Variants in BAIAP2L1 observed in about 807,000 individuals in gnomAD.
BAIAP2L1 encodes the protein BAR/IMD domain containing adaptor protein 2 like 1.
In BAIAP2L1, 35 loss-of-function variants were observed where a neutral mutation model predicts 66.3. The ratio of observed to expected loss-of-function variants is 0.53; its 90% confidence interval spans 0.40 to 0.70. BAIAP2L1 has a LOEUF of 0.70. Among genes scored for constraint, BAIAP2L1 ranks in the 30% least tolerant of loss-of-function variants. The pLI is 0.00. For missense variants in BAIAP2L1, 622 were observed against 656.9 expected, an observed-to-expected ratio of 0.95 and a Z score of 0.58; for synonymous variants, 269 against 248.7, an observed-to-expected ratio of 1.08 and a Z score of -0.77.
intron 1 of BAIAP2L1, among the ~76,000 whole-genome samples, chr7:98,370,832 T>C (rs1802496566): frequency 1.3e-5 from 2 of 152,118 alleles, no homozygotes; most frequent in African/African-American, 4.8e-5. Flanking sequence ...GGAAAATCCA[T>C]TCCTATATTG....
intron 1 of BAIAP2L1, among the ~76,000 whole-genome samples, chr7:98,373,553 C>T (rs1254035073): frequency 6.6e-6 from 1 of 152,138 alleles, no homozygotes; most frequent in African/African-American, 2.4e-5. Context: ...ACATCACCAC[C>T]TCTGTGAGCC....
intron 7 of BAIAP2L1, among the ~76,000 whole-genome samples, chr7:98,315,250 T>C (rs1482840816): frequency 1.3e-5 from 2 of 151,844 alleles, no homozygotes; most frequent in Admixed American, 1.3e-4. Context: ...GCCTCCTGAG[T>C]AGCTGGGACT....
intron 1 of BAIAP2L1, among the ~76,000 whole-genome samples, chr7:98,372,696 A>C (rs1218371285): frequency 6.6e-6 from 1 of 150,748 alleles, no homozygotes; most frequent in African/African-American, 2.4e-5. Context: ...AATAGCTGTA[A>C]TGAGGGTTAA....
Position 98,364,986 on chromosome 7 carries a change from CAAAAAAAAAAAAAA to C in BAIAP2L1, c.52-2568_52-2555del, listed in dbSNP as rs531177927. Among the ~76,000 whole-genome samples the C allele has an allele frequency of 5.5e-4, 17 of 30,800 alleles. 2 individuals are homozygous for C. Among genetic ancestry groups the C allele is most frequent in the East Asian group, 2.5e-3 (2 of 788 alleles). The allele number at this position is 30,800 out of a possible 152,430, so 20.2% of individuals were successfully genotyped here. On this transcript the variant is annotated intron_variant, in intron 1 of 13. Coordinates refer to ENST00000005260, the MANE Select transcript of BAIAP2L1 (RefSeq NM_018842.5). ...TGGGTGACAGAGTGAGGATATGTCT[CAAAAAAAAAAAAAA>C]AAAAAAAAAAAAAAAAAAAGAGCTA...
chr7:98,376,657 CAAA>C (rs71112147), intron 1 of BAIAP2L1, among the ~76,000 whole-genome samples: 7 of 92,932 alleles, frequency 7.5e-5, no homozygotes, highest in African/African-American at 2.6e-4. Context: ...CCCATCTTTA[CAAA>C]AAAAAAAAAA....
intron 3 of BAIAP2L1, among the ~76,000 whole-genome samples, chr7:98,343,646 G>C (rs189967475): frequency 3.9e-5 from 6 of 152,252 alleles, no homozygotes; most frequent in Non-Finnish European, 8.8e-5. Flanking sequence ...CAGACACTTA[G>C]CTAGCTGGTA....
intron 2 of BAIAP2L1, among the ~76,000 whole-genome samples, chr7:98,359,116 G>C (rs3801258): frequency 6.6e-6 from 1 of 152,020 alleles, no homozygotes; most frequent in Non-Finnish European, 1.5e-5. Context: ...GCAGGTGCAG[G>C]AGTGAGCCCG....
chr7:98,317,198 A>C (rs1342299921), intron 6 of BAIAP2L1, 21 bp downstream of exon 6: 3 of 1,614,058 alleles, frequency 1.9e-6, no homozygotes, highest in Non-Finnish European at 2.5e-6. Flanking sequence ...AAAGAAAACA[A>C]GATATTGTTG....
Position 98,400,843 on chromosome 7 carries a change from C to T in BAIAP2L1, c.10G>A (p.Gly4Arg). ...GTGAGCCGGTTCACCTCCTCGGGCC[C>T]CCGGGACATGGCTGCGGCCGCCGGG... MSR[G>R]PEEVNRLTES... Residue 4 changes from glycine (G) to arginine (R), a missense_variant, in exon 1 of 14, where the codon GGG (glycine) becomes AGG (arginine). Transcript: ENST00000005260. 1 of 1,544,898 alleles carries T rather than the reference C, an allele frequency of 6.5e-7. No homozygotes were observed. The highest frequency in any genetic ancestry group is 2.0e-5 in the Admixed American group (1 of 50,846).
At chr7:98,393,337 C>A (rs1159210025) in intron 1 of BAIAP2L1, among the ~76,000 whole-genome samples, 1 of 150,762 alleles carries the variant, frequency 6.6e-6, no homozygotes, top group Non-Finnish European at 1.5e-5. Context: ...CCACTGCACC[C>A]GGCCATGAAA....
In BAIAP2L1 at chr7:98,292,735, G is replaced by A; in HGVS notation, c.*786C>T. 1 of 1,551,494 alleles carries A rather than the reference G, an allele frequency of 6.4e-7. No individual in the cohort carries two copies. The highest frequency in any genetic ancestry group is 8.7e-7 in the Non-Finnish European group (1 of 1,146,872). ...GGACCCCGAGCAGTTTGAGTGTACT[G>A]GTAATGGATGCAGCTTTGGCCAACT... On this transcript the variant is annotated 3_prime_UTR_variant, in exon 14 of 14. Transcript: ENST00000005260.
intron 2 of BAIAP2L1, among the ~76,000 whole-genome samples, chr7:98,357,753 T>G (rs539965186): frequency 6.6e-6 from 1 of 152,128 alleles, no homozygotes; most frequent in East Asian, 1.9e-4. Flanking sequence ...ACTTAGTTAA[T>G]CTATCCAATT....
At chr7:98,319,706 T>C (rs1282308959) in intron 5 of BAIAP2L1, among the ~76,000 whole-genome samples, 1 of 151,942 alleles carries the variant, frequency 6.6e-6, no homozygotes, top group Non-Finnish European at 1.5e-5. Flanking sequence ...ACCACCATGC[T>C]CAGCTAATTT....
At chr7:98,353,139 A>G (rs1195376746) in intron 3 of BAIAP2L1, among the ~76,000 whole-genome samples, 1 of 151,556 alleles carries the variant, frequency 6.6e-6, no homozygotes, top group Non-Finnish European at 1.5e-5. Context: ...ATGCAGGATT[A>G]TGGCACCAAC....
At chr7:98,375,098 A>G (rs1036830430) in intron 1 of BAIAP2L1, among the ~76,000 whole-genome samples, 6 of 151,726 alleles carry the variant, frequency 4.0e-5, no homozygotes, top group Admixed American at 2.0e-4. Context: ...AAAAAAACAA[A>G]AAACAAAAAC....
At chr7:98,306,567 G>T (rs1800665836) in intron 10 of BAIAP2L1, 51 bp from the exon 11 acceptor site, 2 of 1,613,342 alleles carry the variant, frequency 1.2e-6, no homozygotes, top group Non-Finnish European at 1.7e-6. Context: ...CATGTGGACG[G>T]CAACCTCCCT....
At chr7:98,396,241 TG>T (rs1562797185) in intron 1 of BAIAP2L1, among the ~76,000 whole-genome samples, 1 of 151,994 alleles carries the variant, frequency 6.6e-6, no homozygotes, top group Non-Finnish European at 1.5e-5. Flanking sequence ...GGCTAATTTT[TG>T]TATCTTTGTA....
At chr7:98,393,835 G>C (rs1003909889) in intron 1 of BAIAP2L1, among the ~76,000 whole-genome samples, 1 of 149,540 alleles carries the variant, frequency 6.7e-6, no homozygotes. Context: ...CGCAGTGAGG[G>C]GCTCATGCCT....
At position 98,310,542 on chromosome 7, in the gene BAIAP2L1, G is replaced by A. The variant is rs200900587; in HGVS notation, c.858C>T (p.Pro286=). 3.1e-5 allele frequency: 49 copies of A among 1,594,936 alleles called. No individual in the cohort carries two copies. The highest frequency in any genetic ancestry group is 8.1e-5 in the African/African-American group (6 of 73,820). Residue 286 remains proline (P), a synonymous_variant, in exon 9 of 14, where the codon CCC becomes CCT. Coordinates refer to ENST00000005260, the MANE Select transcript of BAIAP2L1 (RefSeq NM_018842.5). ...TGGTATATGCTCTGCCTGAAGGAGCGGGGGGCATCTTTGGTGAGCATTTAG... is the reference window on the plus strand; with the variant it reads ...TGGTATATGCTCTGCCTGAAGGAGCAGGGGGCATCTTTGGTGAGCATTTAG... ...TLSKCSPKMP[P]APSGRAYTSP...
Sources: allele counts gnomAD v4.1 joint callset (sites outside exome capture counted in the v4.1 genomes callset), GRCh38; gene constraint gnomAD v4.1.1; transcripts MANE v1.5; gene names NCBI Gene and HGNC (gene_info 2026-07-23, HGNC 2026-07-21).